SEC23B: variants seen among roughly 807,000 people sequenced by gnomAD.
SEC23B encodes protein transport protein Sec23B.
Under a neutral mutation model 104.3 loss-of-function variants are expected in SEC23B, and 77 were observed. The observed-to-expected ratio is 0.74, with a 90% CI of 0.61 to 0.89. The LOEUF is 0.89. Ranked by LOEUF, SEC23B falls within the 40% of genes least tolerant of loss-of-function variation. The probability of loss-of-function intolerance (pLI) is 0.00; values close to 1 mark genes in which losing one functional copy is unlikely to be tolerated. For synonymous variants in SEC23B, 338 were observed against 332.5 expected (o/e 1.02, Z -0.18); for missense variants, 885 against 949.4 (o/e 0.93, Z 0.89).
chr20:18,516,560 T>TTTTTTTTTTTTTTTTG, intron 4 of SEC23B, among the ~76,000 whole-genome samples: 1 of 150,708 alleles, frequency 6.6e-6, no homozygotes, highest in African/African-American at 2.5e-5. Context: ...TCTTTTTTTT[T>TTTTTTTTTTTTTTTTG]TTTTCTTCTG....
intron 8 of SEC23B, 55 bp downstream of exon 8, chr20:18,526,586 C>G: frequency 6.3e-7 from 1 of 1,596,218 alleles, no homozygotes. Context: ...CAGGTTTGGG[C>G]TGCTCTGGAG....
chr20:18,508,716 C>CTTTTTTTTTTTTTTTTTTTTTTTTTTTT (rs398035473), intron 1 of SEC23B, among the ~76,000 whole-genome samples: 1 of 97,482 alleles, frequency 1.0e-5, no homozygotes, highest in African/African-American at 4.1e-5. Context: ...GCAGTAGCTT[C>CTTTTTTTTTTTTTTTTTTTTTTTTTTTT]TTTTTTTTTT....
At position 18,537,765 on chromosome 20, in the gene SEC23B, A is replaced by T. The variant is rs181394619; in HGVS notation, c.1404+2023A>T. Among the ~76,000 whole-genome samples, 462 of 152,150 alleles carry T rather than the reference A, an allele frequency of 3.0e-3. 2 individuals are homozygous for T. Among genetic ancestry groups the T allele is most frequent in the Admixed American group, 7.1e-3 (108 of 15,274 alleles). On this transcript the variant is annotated intron_variant, in intron 12 of 19. Coordinates refer to ENST00000650089, the MANE Select transcript of SEC23B (RefSeq NM_006363.6). ...AATAAAAAATAAATAAATAAATAAAAAAACCTGTGTTGCTCAAGGGTCAAC... is the reference window on the plus strand; with the variant it reads ...AATAAAAAATAAATAAATAAATAAATAAACCTGTGTTGCTCAAGGGTCAAC...
intron 4 of SEC23B, chr20:18,516,090 C>G (rs2060022019): frequency 3.7e-6 from 1 of 267,806 alleles, no homozygotes. Flanking sequence ...CCCATTGGCT[C>G]TATATTTGAA....
intron 12 of SEC23B, among the ~76,000 whole-genome samples, chr20:18,538,928 G>A (rs1323032426): frequency 1.3e-5 from 2 of 151,974 alleles, no homozygotes; most frequent in African/African-American, 2.4e-5. Flanking sequence ...AAAATAGGCC[G>A]GGTGTGATGG....
In SEC23B at chr20:18,543,161, C is replaced by T; in HGVS notation, c.1654C>T (p.Leu552Phe). 6.2e-7 allele frequency: 1 copy of T among 1,614,152 alleles called. No individual in the cohort carries two copies. Among genetic ancestry groups the T allele is most frequent in the Non-Finnish European group, 8.5e-7 (1 of 1,180,030 alleles). The stretch of plus-strand genomic sequence containing the variant: ...TGTGCTCCGGTGGCTGGACCGACAA[C>T]TCATCCGACTGGTAAATTGGGGACA... The part of the protein sequence containing the change: ...PDVLRWLDRQ[L>F]IRLCQKFGQY... The change falls in exon 14 of 20, where the codon CTC becomes TTC. Residue 552 changes from leucine to phenylalanine, a missense_variant. Transcript: ENST00000650089.
At chr20:18,513,251 A>G (rs1600226676) in intron 3 of SEC23B, among the ~76,000 whole-genome samples, 2 of 148,992 alleles carry the variant, frequency 1.3e-5, no homozygotes, top group South Asian at 2.1e-4. Context: ...AGGAGGCTGA[A>G]GCAGGAGAAT....
intron 1 of SEC23B, among the ~76,000 whole-genome samples, chr20:18,508,716 C>CTTTTTTTTTTTTTT (rs398035473): frequency 4.1e-5 from 4 of 97,488 alleles, no homozygotes; most frequent in African/African-American, 1.2e-4. Flanking sequence ...GCAGTAGCTT[C>CTTTTTTTTTTTTTT]TTTTTTTTTT....
chr20:18,540,322 C>CA (rs1377272032), intron 12 of SEC23B, among the ~76,000 whole-genome samples: 1 of 152,198 alleles, frequency 6.6e-6, no homozygotes. Context: ...ATATCTCCGT[C>CA]AGAGCTCTTG....
intron 11 of SEC23B, among the ~76,000 whole-genome samples, 181 bp from the exon 12 acceptor site, chr20:18,535,472 A>G (rs1167363235): frequency 6.6e-6 from 1 of 152,186 alleles, no homozygotes; most frequent in African/African-American, 2.4e-5. Flanking sequence ...TAAAGTGTAA[A>G]TGTAAATGTT....
Position 18,551,134 on chromosome 20 carries a change from C to T in SEC23B, c.1951C>T (p.Leu651=). ...CAGCATTCTAGCTGACAGAATTTTG[C>T]TGATGGATACTTTCTTTCAAATTGT... The part of the protein sequence containing the change: ...SSSILADRIL[L]MDTFFQIVIY... Residue 651 remains leucine, a synonymous_variant, in exon 17 of 20, where the codon CTG becomes TTG. Transcript: ENST00000650089. 1 of 1,604,232 alleles carries T rather than the reference C, an allele frequency of 6.2e-7. No homozygotes were observed. Among genetic ancestry groups the T allele is most frequent in the Non-Finnish European group, 8.5e-7 (1 of 1,175,130 alleles).
In SEC23B at chr20:18,554,968, AATT is replaced by A; in HGVS notation, c.2149-139_2149-137del. On this transcript the variant is annotated intron_variant, in intron 18 of 19. Transcript: ENST00000650089. Reference sequence around the variant, plus strand: ...GAAATAGATTACTGTGCAGTAAAACAATTCTAATTAGATTACTGTGCAGTAAAA... The same window carrying A: ...GAAATAGATTACTGTGCAGTAAAACACTAATTAGATTACTGTGCAGTAAAA... 28 of 69,584 alleles carry A rather than the reference AATT, an allele frequency of 4.0e-4. 11 individuals are homozygous for A. The highest frequency in any genetic ancestry group is 8.3e-4 in the Non-Finnish European group (19 of 22,922). The allele number at this position is 69,584 out of a possible 1,614,324, so 4.3% of individuals were successfully genotyped here.
chr20:18,532,712 CTGAA>C lies in SEC23B; in HGVS notation c.1285_1288del (p.Asn429Ter). On this transcript the variant is annotated frameshift_variant, in exon 11 of 20. Coordinates refer to ENST00000650089, the MANE Select transcript of SEC23B (RefSeq NM_006363.6). LOFTEE classifies it high-confidence loss of function. Reference sequence around the variant, plus strand: ...AGGAGCCATTGGTCCATGCGTATCTCTGAATGTGAAAGGACCGTGTGTGTCAGAA... The same window carrying C: ...AGGAGCCATTGGTCCATGCGTATCTCTGTGAAAGGACCGTGTGTGTCAGAA... The C allele has an allele frequency of 3.7e-6, 6 of 1,613,952 alleles. No individual in the cohort carries two copies. The highest frequency in any genetic ancestry group is 5.1e-6 in the Non-Finnish European group (6 of 1,179,818).
At chr20:18,546,913 T>G (rs1358329883) in intron 15 of SEC23B, among the ~76,000 whole-genome samples, 4 of 149,524 alleles carry the variant, frequency 2.7e-5, no homozygotes, top group Non-Finnish European at 5.9e-5. Flanking sequence ...GTTTTTTTTT[T>G]TTTTTTTTTT....
intron 12 of SEC23B, among the ~76,000 whole-genome samples, chr20:18,538,399 G>A (rs896911269): frequency 1.8e-4 from 28 of 151,722 alleles, no homozygotes; most frequent in Non-Finnish European, 5.9e-5. Flanking sequence ...ACAGGCACCC[G>A]CCACCACGCC....
intron 12 of SEC23B, among the ~76,000 whole-genome samples, chr20:18,536,513 A>G (rs1024779004): frequency 7.2e-5 from 11 of 152,108 alleles, no homozygotes; most frequent in African/African-American, 2.7e-4. Flanking sequence ...TAATATGGTG[A>G]AACCCTGTCT....
intron 12 of SEC23B, among the ~76,000 whole-genome samples, chr20:18,539,545 T>C (rs2060269257): frequency 6.6e-6 from 1 of 151,008 alleles, no homozygotes; most frequent in Non-Finnish European, 1.5e-5. Flanking sequence ...GGGTCTCTCT[T>C]TGTTGCCCAG....
chr20:18,545,005 T>C (rs79738057), intron 14 of SEC23B, among the ~76,000 whole-genome samples: 4,576 of 129,332 alleles, frequency 0.035, 230 homozygotes, highest in African/African-American at 0.11. Context: ...TTTCTCTTTT[T>C]TTAATGTAAT....
rs185353100 is a variant in SEC23B, at chr20:18,533,763, G to A, written c.1314+1019G>A. Among the ~76,000 whole-genome samples, 43 of 152,266 alleles carry A rather than the reference G, an allele frequency of 2.8e-4. No individual in the cohort carries two copies. The South Asian group carries it at 7.3e-3, about 26-fold the overall frequency. ...GAGTGAGGCAGATTGCTGCCCTAAAGCCCATCTGATGAGTCATTCATTACC... is the reference window on the plus strand; with the variant it reads ...GAGTGAGGCAGATTGCTGCCCTAAAACCCATCTGATGAGTCATTCATTACC... On this transcript the variant is annotated intron_variant, in intron 11 of 19. Coordinates refer to ENST00000650089, the MANE Select transcript of SEC23B (RefSeq NM_006363.6).
Sources: allele counts gnomAD v4.1 joint callset (sites outside exome capture counted in the v4.1 genomes callset), GRCh38; gene constraint gnomAD v4.1.1; transcripts MANE v1.5; gene names NCBI Gene and HGNC (gene_info 2026-07-23, HGNC 2026-07-21).